The following CCSER1 variants were observed in gnomAD, a reference collection of about 807,000 sequenced individuals.
The protein encoded by CCSER1 is coiled-coil serine rich protein 1, also known as serine-rich coiled-coil domain-containing protein 1.
A neutral mutation model predicts 82.0 loss-of-function variants in CCSER1; 41 were observed. The observed-to-expected ratio is 0.50, with a 90% CI of 0.39 to 0.65. The LOEUF (loss-of-function observed/expected upper bound fraction) is 0.65, where lower values mean the gene tolerates loss of function less well. Ranked by LOEUF, CCSER1 falls within the 30% of genes least tolerant of loss-of-function variation. CCSER1 has a pLI of 0.00. For missense variants in CCSER1, 1,119 were observed against 1,064.2 expected (o/e 1.05, Z -0.72); for synonymous variants, 414 against 383.9 (o/e 1.08, Z -0.92).
chr4:91,462,488 C>T (rs2007597), intron 10 of CCSER1, among the ~76,000 whole-genome samples: 1 of 152,032 alleles, frequency 6.6e-6, no homozygotes, highest in Admixed American at 6.6e-5. Context: ...GTTCATCTCA[C>T]TGGGGTTTGT....
At chr4:90,533,087 T>TA (rs1486550392) in intron 5 of CCSER1, among the ~76,000 whole-genome samples, 5 of 125,764 alleles carry the variant, frequency 4.0e-5, no homozygotes, top group Non-Finnish European at 3.5e-5. Flanking sequence ...TCTGTGGGTT[T>TA]TTTTTTTTTT....
At chr4:90,861,930 T>A (rs56374269) in intron 8 of CCSER1, among the ~76,000 whole-genome samples, 35,253 of 120,600 alleles carry the variant, frequency 0.29, 4,804 homozygotes, top group African/African-American at 0.38. Context: ...ATATATATTT[T>A]TTTTTTCTGT....
At chr4:90,381,796 A>G (rs1023249241) in intron 3 of CCSER1, among the ~76,000 whole-genome samples, 4 of 152,152 alleles carry the variant, frequency 2.6e-5, no homozygotes, top group African/African-American at 9.6e-5. Context: ...AATTACATTT[A>G]AAATTTCAAT....
chr4:90,903,107 G>A (rs1724909529), intron 8 of CCSER1, among the ~76,000 whole-genome samples: 1 of 152,222 alleles, frequency 6.6e-6, no homozygotes, highest in South Asian at 2.1e-4. Context: ...ATCATAAACA[G>A]TGTCTCAATA....
At chr4:91,314,585 A>G (rs1382224695) in intron 10 of CCSER1, among the ~76,000 whole-genome samples, 1 of 151,928 alleles carries the variant, frequency 6.6e-6, no homozygotes, top group Non-Finnish European at 1.5e-5. Flanking sequence ...TCCTCCCTCT[A>G]CTGCTTATTA....
chr4:90,775,565 G>T (rs1304159645), intron 7 of CCSER1, among the ~76,000 whole-genome samples: 1 of 152,132 alleles, frequency 6.6e-6, no homozygotes, highest in East Asian at 1.9e-4. Flanking sequence ...CTGTTCTAAA[G>T]CTGATTACTA....
intron 1 of CCSER1, among the ~76,000 whole-genome samples, chr4:90,256,394 T>G (rs938996415): frequency 2.6e-5 from 4 of 152,178 alleles, no homozygotes; most frequent in Non-Finnish European, 4.4e-5. Flanking sequence ...GGGGTGGGCA[T>G]TATTGACTTA....
intron 1 of CCSER1, among the ~76,000 whole-genome samples, chr4:90,182,708 A>T (rs1270176114): frequency 6.6e-6 from 1 of 152,202 alleles, no homozygotes; most frequent in African/African-American, 2.4e-5. Flanking sequence ...TAAGGAAACA[A>T]TAGAAGCTCA....
At chr4:91,480,680 A>G (rs994706389) in intron 10 of CCSER1, among the ~76,000 whole-genome samples, 1 of 152,200 alleles carries the variant, frequency 6.6e-6, no homozygotes, top group Non-Finnish European at 1.5e-5. Context: ...GACTACAGTC[A>G]TTTCCTTATC....
intron 3 of CCSER1, among the ~76,000 whole-genome samples, chr4:90,331,816 C>CA (rs937231571): frequency 2.2e-5 from 3 of 138,992 alleles, no homozygotes; most frequent in African/African-American, 8.1e-5. Flanking sequence ...AAATGTAAGA[C>CA]AGCTTTTTTT....
At chr4:90,129,487 G>T (rs573808929) in intron 1 of CCSER1, among the ~76,000 whole-genome samples, 1 of 152,168 alleles carries the variant, frequency 6.6e-6, no homozygotes, top group Non-Finnish European at 1.5e-5. Context: ...CTGTGACTGG[G>T]TTTAGTAGTA....
intron 10 of CCSER1, among the ~76,000 whole-genome samples, chr4:91,169,037 A>G (rs1483181334): frequency 3.3e-5 from 5 of 151,992 alleles, no homozygotes; most frequent in African/African-American, 1.2e-4. Flanking sequence ...CCTAATCTCA[A>G]GTACCTAGGG....
intron 1 of CCSER1, among the ~76,000 whole-genome samples, chr4:90,134,119 C>T (rs528284201): frequency 6.6e-6 from 1 of 152,262 alleles, no homozygotes; most frequent in South Asian, 2.1e-4. Context: ...TCATGTCATT[C>T]TAACATTGTA....
At chr4:90,878,409 C>G (rs1045522308) in intron 8 of CCSER1, among the ~76,000 whole-genome samples, 2 of 152,030 alleles carry the variant, frequency 1.3e-5, no homozygotes, top group Non-Finnish European at 2.9e-5. Flanking sequence ...TCATTTGTAC[C>G]TCTATTTGGG....
At chr4:90,769,996 A>G (rs7688114) in intron 7 of CCSER1, among the ~76,000 whole-genome samples, 90,836 of 151,976 alleles carry the variant, frequency 0.6, 27,422 homozygotes, top group African/African-American at 0.68. Flanking sequence ...GAACTGATGG[A>G]AAGCTACTGC....
At chr4:91,020,072 C>CTAAAATTT (rs1307347500) in intron 9 of CCSER1, among the ~76,000 whole-genome samples, 2 of 151,676 alleles carry the variant, frequency 1.3e-5, no homozygotes, top group Non-Finnish European at 2.9e-5. Flanking sequence ...TATAATATAC[C>CTAAAATTT]TAAAATTTCT....
intron 5 of CCSER1, among the ~76,000 whole-genome samples, chr4:90,610,517 C>A (rs73833730): frequency 0.041 from 6,197 of 152,064 alleles, 295 homozygotes; most frequent in African/African-American, 0.11. Flanking sequence ...AATATTTTAG[C>A]TCTTTTTGCT....
chr4:90,750,585 C>T (rs1337128091), intron 7 of CCSER1, among the ~76,000 whole-genome samples: 3 of 152,086 alleles, frequency 2.0e-5, no homozygotes, highest in Non-Finnish European at 4.4e-5. Context: ...TCAAAGTGCT[C>T]AAATTTTACA....
intron 10 of CCSER1, among the ~76,000 whole-genome samples, chr4:91,172,280 G>T (rs1732842725): frequency 6.6e-6 from 1 of 152,082 alleles, no homozygotes; most frequent in Non-Finnish European, 1.5e-5. Flanking sequence ...ATTGTTAAAA[G>T]AAATTTTGTT....
Sources: gnomAD v4.1 joint callset for allele counts (sites outside exome capture counted in the v4.1 genomes callset) on GRCh38, gnomAD v4.1.1 for gene constraint, MANE v1.5 for transcripts, NCBI Gene and HGNC (gene_info 2026-07-23, HGNC 2026-07-21) for gene names.